Variants in MBOAT2 observed in about 807,000 individuals in gnomAD.
MBOAT2 encodes the protein membrane bound glycerophospholipid O-acyltransferase 2.
In MBOAT2, 28 loss-of-function variants were observed where a neutral mutation model predicts 63.4. That is an observed-to-expected ratio of 0.44 (90% CI 0.33 to 0.61). MBOAT2 has a LOEUF of 0.61. MBOAT2 is among the 20% of genes least tolerant of loss of function. The pLI is 0.03. For missense variants in MBOAT2, 470 were observed against 605.8 expected, an observed-to-expected ratio of 0.78 and a Z score of 2.35; for synonymous variants, 211 against 215.6, an observed-to-expected ratio of 0.98 and a Z score of 0.19.
In MBOAT2 at chr2:8,988,227, T is replaced by C. The variant is rs1413833940; in HGVS notation, c.75+15313A>G. 4.6e-5 allele frequency among the ~76,000 whole-genome samples: 7 copies of C among 152,314 alleles called. No individual in the cohort carries two copies. In the East Asian group the frequency reaches 1.2e-3, roughly 25 times the overall value. On this transcript the variant is annotated intron_variant, in intron 1 of 12. Coordinates refer to ENST00000305997, the MANE Select transcript of MBOAT2 (RefSeq NM_138799.4). The stretch of plus-strand genomic sequence containing the variant: ...GGCCTAATATCTACTTGCTGGTCAT[T>C]TGTAGCATCCTTAAATTGGTGGAGG...
chr2:8,992,115 GTC>G (rs1671953754), intron 1 of MBOAT2, among the ~76,000 whole-genome samples: 1 of 152,142 alleles, frequency 6.6e-6, no homozygotes, highest in Non-Finnish European at 1.5e-5. Flanking sequence ...TGTACTTCCG[GTC>G]TCAAGTCATT....
At chr2:8,995,481 T>G (rs1341697564) in intron 1 of MBOAT2, among the ~76,000 whole-genome samples, 1 of 152,230 alleles carries the variant, frequency 6.6e-6, no homozygotes, top group African/African-American at 2.4e-5. Flanking sequence ...CACAGTGAAT[T>G]TTATTTTTCC....
At chr2:8,960,465 T>C (rs1056214380) in intron 1 of MBOAT2, among the ~76,000 whole-genome samples, 9 of 152,122 alleles carry the variant, frequency 5.9e-5, no homozygotes, top group Non-Finnish European at 1.0e-4. Flanking sequence ...ATATAGAACA[T>C]CCTTCAAGAC....
At chr2:8,946,541 T>C (rs1348200692) in intron 2 of MBOAT2, among the ~76,000 whole-genome samples, 3 of 152,190 alleles carry the variant, frequency 2.0e-5, no homozygotes, top group Non-Finnish European at 4.4e-5. Flanking sequence ...ACTAGAAGGT[T>C]TGTGGCAACC....
chr2:8,880,909 G>C (rs1480373268), intron 6 of MBOAT2, among the ~76,000 whole-genome samples: 1 of 152,198 alleles, frequency 6.6e-6, no homozygotes, highest in African/African-American at 2.4e-5. Context: ...TGAATGCAGG[G>C]GGCTGAGGGG....
At chr2:8,925,633 T>C (rs902120751) in intron 3 of MBOAT2, among the ~76,000 whole-genome samples, 169 of 152,318 alleles carry the variant, frequency 1.1e-3, no homozygotes, top group African/African-American at 3.8e-3. Context: ...TCTGTTAGAA[T>C]ATACATGTTA....
intron 7 of MBOAT2, among the ~76,000 whole-genome samples, chr2:8,876,645 C>T (rs1483356271): frequency 6.7e-6 from 1 of 149,668 alleles, no homozygotes; most frequent in East Asian, 2.0e-4. Context: ...AGAGTGTTTA[C>T]AATCTGCTGG....
intron 7 of MBOAT2, among the ~76,000 whole-genome samples, chr2:8,875,022 C>T (rs532646178): frequency 6.6e-6 from 1 of 152,262 alleles, no homozygotes; most frequent in East Asian, 1.9e-4. Flanking sequence ...AACAAATTTC[C>T]ACCTTGTTTA....
intron 3 of MBOAT2, among the ~76,000 whole-genome samples, chr2:8,938,580 T>G (rs1413566576): frequency 6.6e-6 from 1 of 151,494 alleles, no homozygotes; most frequent in Non-Finnish European, 1.5e-5. Context: ...CAGGCCACAT[T>G]TCATGCCGTG....
chr2:8,967,057 C>A (rs1670045504), intron 1 of MBOAT2, among the ~76,000 whole-genome samples: 1 of 152,176 alleles, frequency 6.6e-6, no homozygotes, highest in Non-Finnish European at 1.5e-5. Flanking sequence ...CATCTCAAGT[C>A]AATTCAGAGG....
At chr2:8,864,579 C>T (rs1027882186) in intron 9 of MBOAT2, among the ~76,000 whole-genome samples, 1 of 152,102 alleles carries the variant, frequency 6.6e-6, no homozygotes, top group African/African-American at 2.4e-5. Context: ...GGGGCGCCCA[C>T]CTTGTTACCT....
chr2:8,894,566 T>A (rs1664286763), intron 4 of MBOAT2, among the ~76,000 whole-genome samples: 1 of 152,178 alleles, frequency 6.6e-6, no homozygotes, highest in East Asian at 1.9e-4. Context: ...CAGAAACACA[T>A]CTACAATTAG....
intron 3 of MBOAT2, among the ~76,000 whole-genome samples, chr2:8,942,208 C>T (rs573747666): frequency 1.3e-5 from 2 of 152,268 alleles, no homozygotes; most frequent in East Asian, 3.9e-4. Context: ...TAGCGACTGA[C>T]AGTGCCAAAT....
chr2:8,996,280 ATCAACTAT>A (rs1230621230), intron 1 of MBOAT2, among the ~76,000 whole-genome samples: 1 of 152,244 alleles, frequency 6.6e-6, no homozygotes, highest in Non-Finnish European at 1.5e-5. Context: ...GAATTAGGAA[ATCAACTAT>A]TCTTTCAAAA....
chr2:8,974,715 A>G (rs1670700534), intron 1 of MBOAT2, among the ~76,000 whole-genome samples: 1 of 152,144 alleles, frequency 6.6e-6, no homozygotes, highest in African/African-American at 2.4e-5. Context: ...ACTCCCAAAT[A>G]GATGATTTTT....
At chr2:8,904,086 C>T (rs1357595391) in intron 4 of MBOAT2, among the ~76,000 whole-genome samples, 1 of 151,952 alleles carries the variant, frequency 6.6e-6, no homozygotes, top group African/African-American at 2.4e-5. Flanking sequence ...CAGTGATTCT[C>T]GTGCCTCAGC....
chr2:8,886,692 T>C (rs1447676232), intron 5 of MBOAT2, among the ~76,000 whole-genome samples: 7 of 152,232 alleles, frequency 4.6e-5, no homozygotes, highest in African/African-American at 1.2e-4. Context: ...AAGAACAGGT[T>C]ACAAAATGGG....
At chr2:8,968,959 G>A (rs1240386664) in intron 1 of MBOAT2, among the ~76,000 whole-genome samples, 3 of 152,130 alleles carry the variant, frequency 2.0e-5, no homozygotes, top group African/African-American at 7.2e-5. Context: ...CACTCTGCAG[G>A]ATATTATCCA....
At chr2:9,002,481 A>G (rs529697835) in intron 1 of MBOAT2, among the ~76,000 whole-genome samples, 1 of 152,370 alleles carries the variant, frequency 6.6e-6, no homozygotes, top group South Asian at 2.1e-4. Flanking sequence ...CAAGTTCAAG[A>G]CAGTGAACCA....
Sources: gnomAD v4.1 joint callset for allele counts (sites outside exome capture counted in the v4.1 genomes callset) on GRCh38, gnomAD v4.1.1 for gene constraint, MANE v1.5 for transcripts, NCBI Gene and HGNC (gene_info 2026-07-23, HGNC 2026-07-21) for gene names.